Variants in GAREM1 observed in about 807,000 individuals in gnomAD.
The protein encoded by GAREM1 is GRB2-associated and regulator of MAPK protein 1.
GAREM1 carries 26 observed loss-of-function variants against 71.3 expected under a neutral mutation model. The observed-to-expected ratio is 0.36, with a 90% CI of 0.27 to 0.51. The LOEUF is 0.51. Among genes scored for constraint, GAREM1 ranks in the 20% least tolerant of loss-of-function variants. The pLI is 0.95. For missense variants in GAREM1, 1,026 were observed against 1,103.1 expected, an observed-to-expected ratio of 0.93 and a Z score of 0.99; for synonymous variants, 440 against 433.2, an observed-to-expected ratio of 1.02 and a Z score of -0.20.
At chr18:32,393,094 T>C in intron 1 of GAREM1, 59 bp from the exon 2 acceptor site, 1 of 1,538,982 alleles carries the variant, frequency 6.5e-7, no homozygotes, top group Non-Finnish European at 8.9e-7. Flanking sequence ...TCTCCATACT[T>C]TGCAATAAAA....
chr18:32,341,075 C>T (rs1301486520), intron 2 of GAREM1, among the ~76,000 whole-genome samples: 1 of 152,010 alleles, frequency 6.6e-6, no homozygotes, highest in African/African-American at 2.4e-5. Flanking sequence ...GTGTGCTGCA[C>T]CCATTAACTT....
chr18:32,364,891 C>T (rs2047914403), intron 2 of GAREM1, among the ~76,000 whole-genome samples: 2 of 152,116 alleles, frequency 1.3e-5, no homozygotes, highest in Admixed American at 1.3e-4. Context: ...CACACACACA[C>T]ACACACACAC....
chr18:32,457,226 AGTGT>A (rs566379367), intron 1 of GAREM1, among the ~76,000 whole-genome samples: 78 of 81,980 alleles, frequency 9.5e-4, no homozygotes, highest in African/African-American at 2.0e-3. Flanking sequence ...AGAGAGAGAG[AGTGT>A]GTGTGTGTGT....
At chr18:32,381,612 T>G (rs1175090571) in intron 2 of GAREM1, among the ~76,000 whole-genome samples, 2 of 152,172 alleles carry the variant, frequency 1.3e-5, no homozygotes, top group Non-Finnish European at 2.9e-5. Context: ...TCCTAACTAG[T>G]TCTTCTACCT....
At chr18:32,275,873 T>G (rs1277233756) in intron 4 of GAREM1, among the ~76,000 whole-genome samples, 1 of 152,180 alleles carries the variant, frequency 6.6e-6, no homozygotes, top group Non-Finnish European at 1.5e-5. Context: ...AGATGGGGTT[T>G]CTCCATGTTG....
chr18:32,268,546 G>A lies in GAREM1; in HGVS notation c.1956C>T (p.Tyr652=). The A allele has an allele frequency of 6.2e-7, 1 of 1,614,142 alleles. No homozygotes were observed. The stretch of plus-strand genomic sequence containing the variant: ...GTGTGCCTGGCGTCTTTTGTCTAGG[G>A]TAACTATAACTCCTGCTTGGATCCA... The part of the protein sequence containing the change: ...FLLDPSRSYS[Y]PRQKTPGTPK... Residue 652 remains tyrosine (Y), a synonymous_variant, in exon 6 of 6, where the codon TAC becomes TAT. Coordinates refer to ENST00000269209, the MANE Select transcript of GAREM1 (RefSeq NM_001242409.2).
chr18:32,294,704 T>C (rs900215805), intron 3 of GAREM1, among the ~76,000 whole-genome samples: 11 of 152,204 alleles, frequency 7.2e-5, no homozygotes, highest in African/African-American at 2.7e-4. Context: ...TTTATTGCTA[T>C]TTTGCATGTC....
chr18:32,405,824 A>G (rs1449160505), intron 1 of GAREM1, among the ~76,000 whole-genome samples: 1 of 152,170 alleles, frequency 6.6e-6, no homozygotes, highest in African/African-American at 2.4e-5. Context: ...CCTCAATTCA[A>G]ACATATTCGA....
intron 3 of GAREM1, among the ~76,000 whole-genome samples, chr18:32,288,712 T>C (rs2144471253): frequency 6.6e-6 from 1 of 152,198 alleles, no homozygotes; most frequent in Non-Finnish European, 1.5e-5. Flanking sequence ...AGAACTTCTA[T>C]ACTATCTTAT....
intron 1 of GAREM1, among the ~76,000 whole-genome samples, chr18:32,468,040 T>C (rs1020154625): frequency 2.6e-5 from 4 of 152,212 alleles, no homozygotes; most frequent in Non-Finnish European, 5.9e-5. Flanking sequence ...ACTTAATATT[T>C]TCAGGATGTG....
At chr18:32,295,880 GTAC>G (rs2047134405) in intron 3 of GAREM1, among the ~76,000 whole-genome samples, 1 of 151,926 alleles carries the variant, frequency 6.6e-6, no homozygotes, top group Admixed American at 6.6e-5. Flanking sequence ...TTTACTTTTA[GTAC>G]TTCGGTATTC....
intron 1 of GAREM1, among the ~76,000 whole-genome samples, chr18:32,462,396 T>C (rs2048960991): frequency 6.6e-6 from 1 of 152,238 alleles, no homozygotes; most frequent in Non-Finnish European, 1.5e-5. Context: ...CATATACCTA[T>C]AAGCCATTTG....
chr18:32,388,578 A>T (rs1236136365), intron 2 of GAREM1, among the ~76,000 whole-genome samples: 1 of 152,232 alleles, frequency 6.6e-6, no homozygotes, highest in Non-Finnish European at 1.5e-5. Context: ...ATAAGGGGCA[A>T]AGGACATCCC....
intron 1 of GAREM1, among the ~76,000 whole-genome samples, chr18:32,404,150 C>A (rs1357265422): frequency 6.6e-6 from 1 of 152,162 alleles, no homozygotes; most frequent in Non-Finnish European, 1.5e-5. Context: ...TGAATCATTG[C>A]ATAACTATAG....
At chr18:32,282,858 A>G (rs141998556) in intron 4 of GAREM1, among the ~76,000 whole-genome samples, 1 of 152,378 alleles carries the variant, frequency 6.6e-6, no homozygotes, top group African/African-American at 2.4e-5. Context: ...GGGGAAAAGA[A>G]GATTGCTCTT....
chr18:32,460,811 A>G (rs1397599455), intron 1 of GAREM1, among the ~76,000 whole-genome samples: 2 of 152,204 alleles, frequency 1.3e-5, no homozygotes, highest in Non-Finnish European at 2.9e-5. Flanking sequence ...ATGGCATTCT[A>G]GTCCATATAC....
chr18:32,465,380 C>G (rs2048989630), intron 1 of GAREM1, among the ~76,000 whole-genome samples: 1 of 152,172 alleles, frequency 6.6e-6, no homozygotes, highest in Non-Finnish European at 1.5e-5. Context: ...TCCCTGGGGC[C>G]TAAGTGTCCA....
intron 1 of GAREM1, among the ~76,000 whole-genome samples, chr18:32,428,129 G>A (rs896378205): frequency 7.9e-5 from 12 of 152,182 alleles, no homozygotes; most frequent in African/African-American, 2.4e-4. Context: ...TGTTAAAACA[G>A]TTTGACAAGC....
chr18:32,447,194 T>C (rs943486189), intron 1 of GAREM1, among the ~76,000 whole-genome samples: 2 of 152,224 alleles, frequency 1.3e-5, no homozygotes, highest in African/African-American at 4.8e-5. Context: ...TGATAATTCA[T>C]TTACATTTAC....
Sources: gnomAD v4.1 joint callset for allele counts (sites outside exome capture counted in the v4.1 genomes callset) on GRCh38, gnomAD v4.1.1 for gene constraint, MANE v1.5 for transcripts, NCBI Gene and HGNC (gene_info 2026-07-23, HGNC 2026-07-21) for gene names.